CEP78: variants seen among roughly 807,000 people sequenced by gnomAD.
CEP78 encodes the protein centrosomal protein of 78 kDa.
A neutral mutation model predicts 81.2 loss-of-function variants in CEP78; 76 were observed. The ratio of observed to expected loss-of-function variants is 0.94; its 90% CI spans 0.78 to 1.13. The LOEUF (loss-of-function observed/expected upper bound fraction) is 1.13, where lower values mean the gene tolerates loss of function less well. CEP78 is among the 50% of genes most tolerant of loss of function. CEP78 has a pLI of 0.00. For missense variants in CEP78, 918 were observed against 846.8 expected (o/e 1.08, Z -1.04); for synonymous variants, 293 against 301.4 (o/e 0.97, Z 0.29).
At chr9:78,237,061 A>C (rs919961078) in intron 1 of CEP78, among the ~76,000 whole-genome samples, 1 of 131,072 alleles carries the variant, frequency 7.6e-6, no homozygotes, top group Non-Finnish European at 1.5e-5. Flanking sequence ...GCTCACTGCA[A>C]CCTCCGCCTC....
chr9:78,265,593 A>G, intron 14 of CEP78, 50 bp downstream of exon 14: 1 of 1,465,682 alleles, frequency 6.8e-7, no homozygotes, highest in Non-Finnish European at 9.2e-7. Flanking sequence ...TTAGCAAAAA[A>G]GGGAATTACT....
intron 11 of CEP78, among the ~76,000 whole-genome samples, chr9:78,255,945 G>A (rs570337698): frequency 1.4e-4 from 21 of 152,170 alleles, no homozygotes; most frequent in Non-Finnish European, 2.9e-4. Flanking sequence ...AAGAAGGTTA[G>A]GAAATACAAC....
Position 78,243,450 on chromosome 9 carries a change from A to C in CEP78, c.604-12A>C, listed in dbSNP as rs772147723. On this transcript the variant is annotated splice_polypyrimidine_tract_variant and intron_variant, in intron 4 of 16. Coordinates refer to ENST00000643273, the MANE Select transcript of CEP78 (RefSeq NM_001330691.3). ...CCAAGTGTATTAATTTCATCTTATT[A>C]AATCTTTGAAGTATCAGACCATGAG... is the stretch of plus-strand genomic sequence containing the variant. 6.2e-7 allele frequency: 1 copy of C among 1,607,118 alleles called. No homozygotes were observed. Among genetic ancestry groups the C allele is most frequent in the Non-Finnish European group, 8.5e-7 (1 of 1,176,434 alleles).
At position 78,266,512 on chromosome 9, in the gene CEP78, C is replaced by T; in HGVS notation, c.1916C>T (p.Pro639Leu). ...LDSFPVPVST[P>L]EGLGTSSNNL... ...TCCTTTCCTGTCCCAGTTTCTACTC[C>T]AGAGGGCTTAGGAACTTCCAGCAAC... The change falls in exon 16 of 17, where the codon CCA becomes CTA. Residue 639 changes from proline (P) to leucine (L), a missense_variant. Physicochemically the swap from Pro to Leu is moderately conservative, Grantham distance 98. Transcript: ENST00000643273. 1 of 1,613,642 alleles carries T rather than the reference C, an allele frequency of 6.2e-7. No individual in the cohort carries two copies. The highest frequency in any genetic ancestry group is 8.5e-7 in the Non-Finnish European group (1 of 1,179,700).
chr9:78,263,359 A>C (rs1436876935), intron 12 of CEP78, among the ~76,000 whole-genome samples: 1 of 152,136 alleles, frequency 6.6e-6, no homozygotes, highest in Admixed American at 6.6e-5. Flanking sequence ...TGAATAAATA[A>C]GGTAAAAGAT....
rs1310952000 is a variant in CEP78 at position 78,266,655 on chromosome 9, G to A, written c.2059G>A (p.Glu687Lys). ...SGTGSQRKEE[E>K]LSRNSRSSSE... The stretch of plus-strand genomic sequence containing the variant: ...AACTGGAAGTCAAAGAAAAGAAGAG[G>A]AGTTGTCCAGAAATAGCAGATCTTC... Residue 687 changes from glutamate (E) to lysine (K), a missense_variant, in exon 16 of 17, where the codon GAG becomes AAG. Glu to Lys is a moderately conservative substitution (Grantham distance 56, BLOSUM62 1). Transcript: ENST00000643273. The A allele has an allele frequency of 1.9e-6, 3 of 1,612,124 alleles. No homozygotes were observed. The highest frequency in any genetic ancestry group is 1.7e-5 in the Admixed American group (1 of 59,666).
At chr9:78,264,786 T>C (rs1827440014) in intron 13 of CEP78, among the ~76,000 whole-genome samples, 2 of 152,216 alleles carry the variant, frequency 1.3e-5, no homozygotes, top group Non-Finnish European at 2.9e-5. Context: ...ACTTTGCTTG[T>C]TAAATAAGTT....
intron 8 of CEP78, chr9:78,250,397 A>AT (rs1826700194): frequency 5.1e-6 from 2 of 392,824 alleles, no homozygotes; most frequent in East Asian, 3.6e-5. Context: ...AAACTTTATA[A>AT]TTTTTTTCAT....
chr9:78,241,984 A>G (rs1826255188), intron 4 of CEP78, among the ~76,000 whole-genome samples, 185 bp downstream of exon 4: 1 of 152,230 alleles, frequency 6.6e-6, no homozygotes, highest in Non-Finnish European at 1.5e-5. Context: ...AGTATGCTTA[A>G]TCTTAGAAAT....
rs774031337 is a variant in CEP78 at position 78,236,325 on chromosome 9, G to A, written c.-26G>A. On this transcript the variant is annotated 5_prime_UTR_variant, in exon 1 of 17. Transcript: ENST00000643273. ...GGCGCGGGCGGCGTCTCCGCGGCGGGCATCCCCCGAGGCCGCCCTCGGGCC... is the reference window on the plus strand; with the variant it reads ...GGCGCGGGCGGCGTCTCCGCGGCGGACATCCCCCGAGGCCGCCCTCGGGCC... The A allele has an allele frequency of 6.3e-4, 974 of 1,541,934 alleles. 1 individual carries two copies. The highest frequency in any genetic ancestry group is 8.3e-4 in the Non-Finnish European group (958 of 1,149,486).
In CEP78 at chr9:78,270,956, G is replaced by T; in HGVS notation, c.*105G>T. The stretch of plus-strand genomic sequence containing the variant: ...TAAGAAGCAGATGATTTAAGTACCA[G>T]TTAATTAAAGGATGGAACAGCTAAG... On this transcript the variant is annotated 3_prime_UTR_variant, in exon 17 of 17. Coordinates refer to ENST00000643273, the MANE Select transcript of CEP78 (RefSeq NM_001330691.3). 1.7e-6 allele frequency: 1 copy of T among 592,260 alleles called. No homozygotes were observed. Among genetic ancestry groups the T allele is most frequent in the Non-Finnish European group, 2.9e-6 (1 of 339,610 alleles). 36.7% of individuals were successfully genotyped at this position (592,260 alleles called of 1,614,324 possible). A position where few individuals can be genotyped will look rare whatever the true frequency, so the allele number is the denominator to read the frequency against.
chr9:78,273,042 G>T lies in CEP78; in HGVS notation c.*2191G>T, dbSNP rs1301190951. ...CAAATGTATGTCAACAACTTTAATA[G>T]CTACAAAACTACCTGGAAAGAGGGA... On this transcript the variant is annotated 3_prime_UTR_variant, in exon 17 of 17. Transcript: ENST00000643273. 1 of 152,070 alleles carries T rather than the reference G, an allele frequency of 6.6e-6. No individual in the cohort carries two copies. The highest frequency in any genetic ancestry group is 1.5e-5 in the Non-Finnish European group (1 of 68,012). The allele number at this position is 152,070 out of a possible 1,614,324, so 9.4% of individuals were successfully genotyped here.
chr9:78,270,811 A>G (rs1293384752), intron 16 of CEP78, 30 bp from the exon 17 acceptor site: 2 of 673,966 alleles, frequency 3.0e-6, no homozygotes, highest in East Asian at 2.9e-5. Context: ...ATTAACATGG[A>G]TGACTGAACA....
intron 6 of CEP78, among the ~76,000 whole-genome samples, chr9:78,247,645 C>T (rs1826557105): frequency 6.6e-6 from 1 of 152,076 alleles, no homozygotes; most frequent in Non-Finnish European, 1.5e-5. Flanking sequence ...GTAATTCAAT[C>T]AGATGACTTG....
In CEP78 at chr9:78,273,290, C is replaced by T. The variant is rs1462571964; in HGVS notation, c.*2439C>T. ...TATAAAGAGATGAACAAAAATATACCAGGCAGATGCTAAAGAGTAAATGTG... is the reference window on the plus strand; with the variant it reads ...TATAAAGAGATGAACAAAAATATACTAGGCAGATGCTAAAGAGTAAATGTG... On this transcript the variant is annotated 3_prime_UTR_variant, in exon 17 of 17. Transcript: ENST00000643273. 6.6e-6 allele frequency: 1 copy of T among 152,022 alleles called. No homozygotes were observed. Among genetic ancestry groups the T allele is most frequent in the Non-Finnish European group, 1.5e-5 (1 of 68,012 alleles). The allele number at this position is 152,022 out of a possible 1,614,324, so 9.4% of individuals were successfully genotyped here.
chr9:78,265,711 A>T, intron 14 of CEP78, 148 bp from the exon 15 acceptor site: 1 of 749,556 alleles, frequency 1.3e-6, no homozygotes. Context: ...ATTTCCTTAT[A>T]TTGTATTGTT....
At chr9:78,236,769 C>T (rs898567161) in intron 1 of CEP78, 166 bp downstream of exon 1, 3 of 820,080 alleles carry the variant, frequency 3.7e-6, no homozygotes, top group Non-Finnish European at 5.3e-6. Flanking sequence ...GTGTGCTCAT[C>T]CGTAACATGG....
chr9:78,245,387 A>G (rs936688492), intron 5 of CEP78, among the ~76,000 whole-genome samples: 13 of 152,104 alleles, frequency 8.5e-5, no homozygotes, highest in Non-Finnish European at 1.2e-4. Flanking sequence ...GTGGCGAGAG[A>G]GAACTCTAGT....
intron 9 of CEP78, among the ~76,000 whole-genome samples, chr9:78,252,340 G>A (rs1826804475): frequency 6.6e-6 from 1 of 152,196 alleles, no homozygotes; most frequent in South Asian, 2.1e-4. Flanking sequence ...GTTAAACCAA[G>A]TCCTATAGGG....
Sources: allele counts gnomAD v4.1 joint callset (sites outside exome capture counted in the v4.1 genomes callset), GRCh38; gene constraint gnomAD v4.1.1; transcripts MANE v1.5; gene names NCBI Gene and HGNC (gene_info 2026-07-23, HGNC 2026-07-21).